MYO1B: variants seen among roughly 807,000 people sequenced by gnomAD.
The protein encoded by MYO1B is myosin IB.
Under a neutral mutation model 159.7 loss-of-function variants are expected in MYO1B, and 72 were observed. The observed-to-expected ratio is 0.45, with a 90% CI of 0.37 to 0.55. The LOEUF (loss-of-function observed/expected upper bound fraction) is 0.55. MYO1B is among the 20% of genes least tolerant of loss of function. MYO1B has a pLI of 0.00. For missense variants in MYO1B, 1,062 were observed against 1,364.8 expected, an observed-to-expected ratio of 0.78 and a Z score of 3.50; for synonymous variants, 468 against 473.8, an observed-to-expected ratio of 0.99 and a Z score of 0.16.
rs1688023148 is a variant in MYO1B, at chr2:191,280,951, T to C, written c.135+3921T>C. Among the ~76,000 whole-genome samples, 9 of 152,318 alleles carry C rather than the reference T, an allele frequency of 5.9e-5. No homozygotes were observed. In the South Asian group the frequency reaches 1.9e-3, roughly 32 times the overall value. On this transcript the variant is annotated intron_variant, in intron 2 of 30. Transcript: ENST00000392318. ...TTCTCAGACTTTTCTGCTGGTGAAC[T>C]TCTAATGGCAGAGAAGAGTAAACAG... is the stretch of plus-strand genomic sequence containing the variant.
chr2:191,355,167 G>C lies in MYO1B; in HGVS notation c.562+4942G>C, dbSNP rs138713298. ...GCTGCTGGATGAGGAGAGACACATG[G>C]AATGAACTGCTAGACATATGAGTGA... On this transcript the variant is annotated intron_variant, in intron 7 of 30. Transcript: ENST00000392318. 1.2e-3 allele frequency among the ~76,000 whole-genome samples: 184 copies of C among 152,318 alleles called. 3 individuals are homozygous for C. The East Asian group carries it at 0.019, about 16-fold the overall frequency.
At position 191,393,157 on chromosome 2, in the gene MYO1B, C is replaced by T. The variant is rs147751540; in HGVS notation, c.2161C>T (p.Arg721Cys). 15 of 1,613,914 alleles carry T rather than the reference C, an allele frequency of 9.3e-6. No individual in the cohort carries two copies. Among genetic ancestry groups the T allele is most frequent in the South Asian group, 3.3e-5 (3 of 91,048 alleles). ...IQKIYRGWKCRTHFLLMKKSQ... is the reference protein window; with the variant it reads ...IQKIYRGWKCCTHFLLMKKSQ... ...GAAGATATATCGGGGGTGGAAATGC[C>T]GCACACACTTCCTGCTAATGAAAAA... The change falls in exon 20 of 31, where the codon CGC becomes TGC. Residue 721 changes from arginine to cysteine, a missense_variant. Arg to Cys is a radical substitution (Grantham distance 180). Coordinates refer to ENST00000392318, the MANE Select transcript of MYO1B (RefSeq NM_001130158.3).
At chr2:191,305,496 A>G (rs1428488402) in intron 3 of MYO1B, among the ~76,000 whole-genome samples, 2 of 152,230 alleles carry the variant, frequency 1.3e-5, no homozygotes, top group Non-Finnish European at 2.9e-5. Context: ...AGCCTGTCCC[A>G]GGGATCCCAG....
chr2:191,417,185 T>C (rs1697631389), intron 30 of MYO1B, among the ~76,000 whole-genome samples: 1 of 152,240 alleles, frequency 6.6e-6, no homozygotes, highest in Non-Finnish European at 1.5e-5. Context: ...TTCTGCCCCT[T>C]TGTAAGTCAG....
intron 11 of MYO1B, among the ~76,000 whole-genome samples, chr2:191,365,411 A>G (rs113107097): frequency 2.9e-4 from 44 of 152,252 alleles, no homozygotes; most frequent in Non-Finnish European, 4.6e-4. Context: ...TTCAACATTG[A>G]TATCTTATTT....
intron 13 of MYO1B, among the ~76,000 whole-genome samples, chr2:191,371,933 A>G (rs567063806): frequency 1.3e-5 from 2 of 152,352 alleles, no homozygotes; most frequent in South Asian, 4.1e-4. Context: ...ATTTCTTGGT[A>G]GAAAGGGAAG....
intron 3 of MYO1B, among the ~76,000 whole-genome samples, chr2:191,301,806 T>C (rs1489426379): frequency 3.3e-5 from 5 of 152,212 alleles, no homozygotes; most frequent in Non-Finnish European, 5.9e-5. Flanking sequence ...CCAAATCCAC[T>C]GGCCTTTTGT....
At chr2:191,418,413 G>A (rs888529527) in intron 30 of MYO1B, among the ~76,000 whole-genome samples, 1 of 148,848 alleles carries the variant, frequency 6.7e-6, no homozygotes, top group Non-Finnish European at 1.5e-5. Context: ...CCTAGATTCT[G>A]TAATCATTAT....
chr2:191,423,847 C>T lies in MYO1B; in HGVS notation c.3298C>T (p.Gln1100Ter). ...NIEISDEFLV[Q>*]FRQDKVCVKF... is the part of the protein sequence containing the mutation. ...ATTCTTTTCTCCTAGGTTCCTGGTA[C>T]AGTTCAGACAGGACAAAGTATGTGT... is the stretch of plus-strand genomic sequence containing the variant. The change falls in exon 31 of 31, where the codon CAG becomes TAG. Residue 1100 changes from glutamine to a stop codon, truncating the protein, a stop_gained. Transcript: ENST00000392318. LOFTEE classifies it high-confidence loss of function. The T allele has an allele frequency of 1.2e-6, 2 of 1,612,412 alleles. No homozygotes were observed. Among genetic ancestry groups the T allele is most frequent in the Non-Finnish European group, 1.7e-6 (2 of 1,179,300 alleles).
chr2:191,375,953 C>T (rs1053644795), intron 13 of MYO1B, among the ~76,000 whole-genome samples: 5 of 144,266 alleles, frequency 3.5e-5, no homozygotes, highest in South Asian at 4.3e-4. Context: ...AGCGAGACTC[C>T]GTATCAAAAA....
At chr2:191,385,771 T>G (rs1559222142) in intron 15 of MYO1B, 113 bp from the exon 16 acceptor site, 6 of 1,143,086 alleles carry the variant, frequency 5.2e-6, no homozygotes, top group Non-Finnish European at 6.3e-6. Context: ...TTGTTATAAC[T>G]GAACAGACTT....
At chr2:191,381,219 TAA>T (rs1695022709) in intron 13 of MYO1B, 4 of 524,310 alleles carry the variant, frequency 7.6e-6, no homozygotes, top group African/African-American at 3.8e-5. Flanking sequence ...CTCTGTCAAC[TAA>T]AAGTCTTCAT....
Position 191,387,313 on chromosome 2 carries a change from C to T in MYO1B, c.1644C>T (p.Ala548=). 6.2e-7 allele frequency: 1 copy of T among 1,614,148 alleles called. No homozygotes were observed. Among genetic ancestry groups the T allele is most frequent in the Non-Finnish European group, 8.5e-7 (1 of 1,180,024 alleles). Residue 548 remains alanine, a synonymous_variant, in exon 17 of 31, where the codon GCC becomes GCT. Coordinates refer to ENST00000392318, the MANE Select transcript of MYO1B (RefSeq NM_001130158.3). ...LSQAMWKASH[A]LIKSLFPEGN... ...AAGCCATGTGGAAGGCCAGCCATGC[C>T]CTCATCAAGTCTTTGTTCCCCGAAG...
intron 14 of MYO1B, among the ~76,000 whole-genome samples, chr2:191,381,781 GT>G (rs1470923446): frequency 2.0e-5 from 3 of 152,198 alleles, no homozygotes; most frequent in Non-Finnish European, 2.9e-5. Context: ...TTGTGAGAGG[GT>G]TGTGGCTGCA....
chr2:191,423,528 C>T (rs921575469), intron 30 of MYO1B, among the ~76,000 whole-genome samples: 8 of 152,150 alleles, frequency 5.3e-5, no homozygotes, highest in Non-Finnish European at 8.8e-5. Context: ...TTTTTCCGCG[C>T]TTATGGGACC....
chr2:191,398,483 C>G (rs887332830), intron 21 of MYO1B, among the ~76,000 whole-genome samples: 1 of 149,794 alleles, frequency 6.7e-6, no homozygotes, highest in Non-Finnish European at 1.5e-5. Context: ...GGGTGGCTGC[C>G]GGACGGAGGG....
intron 13 of MYO1B, among the ~76,000 whole-genome samples, chr2:191,375,967 A>G (rs1407642416): frequency 6.6e-6 from 1 of 152,098 alleles, no homozygotes; most frequent in Admixed American, 6.6e-5. Flanking sequence ...TCAAAAAAAA[A>G]AAAAAAATTC....
At chr2:191,409,234 TA>T (rs1697114956) in intron 26 of MYO1B, 56 bp downstream of exon 26, 2 of 1,522,992 alleles carry the variant, frequency 1.3e-6, no homozygotes, top group Admixed American at 4.0e-5. Context: ...TTTGAGTGTT[TA>T]AAAACACATA....
chr2:191,257,498 T>A (rs1686526143), intron 1 of MYO1B, among the ~76,000 whole-genome samples: 1 of 152,210 alleles, frequency 6.6e-6, no homozygotes. Flanking sequence ...CCATGCCAAA[T>A]CTGACAAATT....
Sources: gnomAD v4.1 joint callset for allele counts (sites outside exome capture counted in the v4.1 genomes callset) on GRCh38, gnomAD v4.1.1 for gene constraint, MANE v1.5 for transcripts, NCBI Gene and HGNC (gene_info 2026-07-23, HGNC 2026-07-21) for gene names.